The following LRGUK variants were observed in gnomAD, a reference collection of about 807,000 sequenced individuals.
LRGUK encodes the protein leucine-rich repeat and guanylate kinase domain-containing protein.
In LRGUK, 65 loss-of-function variants were observed where a neutral mutation model predicts 76.0. The ratio of observed to expected loss-of-function variants is 0.85; its 90% CI spans 0.70 to 1.05. The LOEUF is 1.05. Ranked by LOEUF, LRGUK falls within the 50% of genes least tolerant of loss-of-function variation. The pLI, the probability that LRGUK is intolerant of heterozygous loss-of-function variation, is 0.00. For synonymous variants in LRGUK, 268 were observed against 265.6 expected (o/e 1.01, Z -0.09); for missense variants, 758 against 732.8 (o/e 1.03, Z -0.40).
At chr7:134,247,389 GTTCTT>G (rs1802330189) in intron 16 of LRGUK, among the ~76,000 whole-genome samples, 162 bp from the exon 17 acceptor site, 1 of 151,874 alleles carries the variant, frequency 6.6e-6, no homozygotes, top group Admixed American at 6.6e-5. Flanking sequence ...TATAAAGTTG[GTTCTT>G]TTCTTTTTCC....
chr7:134,127,383 A>G, exon 1 of LRGUK: 1 of 1,602,884 alleles, frequency 6.2e-7, no homozygotes, highest in Non-Finnish European at 8.5e-7. Context: ...GACCTCCGAG[A>G]GGGCTCTCCT....
At chr7:134,197,188 T>C in intron 13 of LRGUK, 83 bp downstream of exon 13, 1 of 768,112 alleles carries the variant, frequency 1.3e-6, no homozygotes, top group Non-Finnish European at 2.2e-6. Context: ...TGTGTGTATA[T>C]ATGTATAAAC....
chr7:134,221,926 A>G lies in LRGUK; in HGVS notation c.1983+8A>G. 6.3e-7 allele frequency: 1 copy of G among 1,582,740 alleles called. No homozygotes were observed. Among genetic ancestry groups the G allele is most frequent in the South Asian group, 1.2e-5 (1 of 85,294 alleles). ...GCCAAAAAAACACCAGCGGTAAGAGAGGAATAGAAGGGGTGAAGCCACAAC... is the reference window on the plus strand; with the variant it reads ...GCCAAAAAAACACCAGCGGTAAGAGGGGAATAGAAGGGGTGAAGCCACAAC... On this transcript the variant is annotated splice_region_variant and intron_variant, in intron 16 of 19. Transcript: ENST00000285928.
At chr7:134,211,859 CTA>C (rs1407904430), downstream of LRGUK, among the ~76,000 whole-genome samples, 1 of 152,170 alleles carries the variant, frequency 6.6e-6, no homozygotes, top group Non-Finnish European at 1.5e-5. Context: ...TATGAACAAA[CTA>C]TGGGAAGGGC....
intron 18 of LRGUK, among the ~76,000 whole-genome samples, chr7:134,254,439 G>T (rs1040777075): frequency 3.3e-5 from 5 of 152,188 alleles, no homozygotes; most frequent in Middle Eastern, 3.2e-3. Flanking sequence ...TCCGGAGGCT[G>T]GGAGTTTAAG....
Position 134,178,619 on chromosome 7 carries a change from A to G in LRGUK, c.1214+10A>G. 1 of 1,605,384 alleles carries G rather than the reference A, an allele frequency of 6.2e-7. No homozygotes were observed. Among genetic ancestry groups the G allele is most frequent in the Non-Finnish European group, 8.5e-7 (1 of 1,174,692 alleles). On this transcript the variant is annotated intron_variant, in intron 10 of 15. Coordinates refer to ENST00000645682, the Ensembl canonical transcript of LRGUK. ...AGAGGATCTTTGACAGGTACTTATT[A>G]GAAATCCAAAGGCCGGAATTCAGGG... is the stretch of plus-strand genomic sequence containing the variant.
chr7:134,210,758 CA>C (rs1801230915), downstream of LRGUK, among the ~76,000 whole-genome samples: 1 of 152,202 alleles, frequency 6.6e-6, no homozygotes, highest in South Asian at 2.1e-4. Context: ...ACCAGCCCAT[CA>C]GGGGAGAGGT....
chr7:134,200,327 G>C (rs528603765), intron 14 of LRGUK, among the ~76,000 whole-genome samples: 1 of 151,626 alleles, frequency 6.6e-6, no homozygotes, highest in Non-Finnish European at 1.5e-5. Context: ...GTGAGCCACC[G>C]CACCTGGCAA....
At chr7:134,223,419 T>C (rs1225778851) in intron 16 of LRGUK, among the ~76,000 whole-genome samples, 2 of 152,234 alleles carry the variant, frequency 1.3e-5, no homozygotes, top group Non-Finnish European at 2.9e-5. Flanking sequence ...CTGCGGCTTC[T>C]CAGAGGCAGC....
At chr7:134,272,761 T>C in the LRGUK span, among the ~76,000 whole-genome samples, 1 of 152,238 alleles carries the variant, frequency 6.6e-6, no homozygotes, top group African/African-American at 2.4e-5. Flanking sequence ...GAATTTCTTA[T>C]TAAGAGTCTT....
chr7:134,220,317 G>C (rs1003158942), intron 15 of LRGUK, among the ~76,000 whole-genome samples: 1 of 152,136 alleles, frequency 6.6e-6, no homozygotes, highest in Non-Finnish European at 1.5e-5. Flanking sequence ...TGGAACTTTA[G>C]ACTTCCTTAC....
chr7:134,235,702 C>T (rs1801998169), intron 16 of LRGUK, among the ~76,000 whole-genome samples: 1 of 152,126 alleles, frequency 6.6e-6, no homozygotes, highest in Admixed American at 6.5e-5. Flanking sequence ...ATGCTAGGCA[C>T]ATAGTAGTGC....
chr7:134,204,431 A>G (rs1238273717), intron 15 of LRGUK, among the ~76,000 whole-genome samples: 2 of 152,244 alleles, frequency 1.3e-5, no homozygotes, highest in Non-Finnish European at 2.9e-5. Context: ...GTTACATTTT[A>G]TAACTGAAAC....
At chr7:134,166,587 C>G (rs949148372) in intron 7 of LRGUK, among the ~76,000 whole-genome samples, 1 of 152,140 alleles carries the variant, frequency 6.6e-6, no homozygotes, top group African/African-American at 2.4e-5. Flanking sequence ...ACTCATAAAG[C>G]AATGGCAGCA....
intron 16 of LRGUK, among the ~76,000 whole-genome samples, chr7:134,231,518 CCCTT>C (rs542271114): frequency 9.6e-5 from 14 of 146,138 alleles, no homozygotes; most frequent in East Asian, 2.1e-4. Context: ...CTTCCTTCCT[CCCTT>C]CCTTCCTTCC....
chr7:134,144,978 C>T (rs1011220343), intron 4 of LRGUK, among the ~76,000 whole-genome samples: 1 of 152,096 alleles, frequency 6.6e-6, no homozygotes, highest in Non-Finnish European at 1.5e-5. Flanking sequence ...ACAGCATGAC[C>T]CCTACCCCAG....
At chr7:134,271,363 G>A in the LRGUK span, among the ~76,000 whole-genome samples, 1 of 151,450 alleles carries the variant, frequency 6.6e-6, no homozygotes, top group East Asian at 1.9e-4. Flanking sequence ...GATCTTATGA[G>A]TTTCTTTTTT....
chr7:134,258,932 C>A (rs1802652619), intron 19 of LRGUK, among the ~76,000 whole-genome samples: 1 of 152,130 alleles, frequency 6.6e-6, no homozygotes, highest in Admixed American at 6.6e-5. Context: ...CACTTAGCTA[C>A]TTTGAGTAGA....
In LRGUK at chr7:134,220,498, G is replaced by C. The variant is rs142259648; in HGVS notation, c.1844-1281G>C. Among the ~76,000 whole-genome samples the C allele has an allele frequency of 8.4e-3, 1,273 of 152,128 alleles. 11 individuals are homozygous for C. Among genetic ancestry groups the C allele is most frequent in the Non-Finnish European group, 0.012 (829 of 67,984 alleles). On this transcript the variant is annotated intron_variant, in intron 15 of 19. Coordinates refer to the LRGUK transcript ENST00000285928. ...AGGTAAGAATCTGTCCCCAGGCAAA[G>C]TCCCTACATCTGTGGACTGACATTT...
Sources: gnomAD v4.1 joint callset for allele counts (sites outside exome capture counted in the v4.1 genomes callset) on GRCh38, gnomAD v4.1.1 for gene constraint, MANE v1.5 for transcripts, NCBI Gene and HGNC (gene_info 2026-07-23, HGNC 2026-07-21) for gene names.